Variants in SLC9A1 observed in about 807,000 individuals in gnomAD.
The protein encoded by SLC9A1 is sodium/hydrogen exchanger 1.
SLC9A1 carries 22 observed loss-of-function variants against 67.9 expected under a neutral mutation model. That is an observed-to-expected ratio of 0.32 (90% confidence interval 0.23 to 0.46). The LOEUF is 0.46. Ranked by LOEUF, SLC9A1 falls within the 20% of genes least tolerant of loss-of-function variation. The pLI, the probability that SLC9A1 is intolerant of heterozygous loss-of-function variation, is 1.00. For missense variants in SLC9A1, 686 were observed against 1,094.8 expected (o/e 0.63, Z 5.27); for synonymous variants, 421 against 471.8 (o/e 0.89, Z 1.40).
chr1:27,125,948 C>T (rs2083340970), intron 1 of SLC9A1, among the ~76,000 whole-genome samples: 1 of 152,094 alleles, frequency 6.6e-6, no homozygotes, highest in Admixed American at 6.5e-5. Context: ...ACTACATCCC[C>T]CTCCGCGTCT....
At chr1:27,142,451 T>TGAGAACA (rs1296710865) in intron 1 of SLC9A1, among the ~76,000 whole-genome samples, 2 of 152,078 alleles carry the variant, frequency 1.3e-5, no homozygotes, top group Non-Finnish European at 2.9e-5. Flanking sequence ...AGAAGCAGAG[T>TGAGAACA]GAGAACAGAG....
At chr1:27,151,779 G>A (rs938443903) in intron 1 of SLC9A1, among the ~76,000 whole-genome samples, 1 of 152,180 alleles carries the variant, frequency 6.6e-6, no homozygotes, top group Non-Finnish European at 1.5e-5. Flanking sequence ...TTTCATTTTT[G>A]AGGCCTGAAC....
intron 1 of SLC9A1, among the ~76,000 whole-genome samples, chr1:27,130,818 G>A (rs897348270): frequency 1.3e-5 from 2 of 152,154 alleles, no homozygotes; most frequent in African/African-American, 2.4e-5. Context: ...CCCTCAAGCC[G>A]GGCCTGGTTA....
rs2083145423 is a variant in SLC9A1 at position 27,101,638 on chromosome 1, C to T, written c.2037+87G>A. On this transcript the variant is annotated intron_variant, in intron 10 of 11. Coordinates refer to ENST00000263980, the MANE Select transcript of SLC9A1 (RefSeq NM_003047.5). The surrounding 1 kb of genome is among the most constrained non-coding windows in gnomAD (Gnocchi z 4.9). ...GCCCCTCGAAAGCCAAACCCTGTTC[C>T]TAGAATGGGTACATTTCCTTAGAGG... 3 of 972,324 alleles carry T rather than the reference C, an allele frequency of 3.1e-6. No individual in the cohort carries two copies. The highest frequency in any genetic ancestry group is 4.8e-6 in the Non-Finnish European group (3 of 624,352). The allele number at this position is 972,324 out of a possible 1,614,324, so 60.2% of individuals were successfully genotyped here.
At position 27,109,580 on chromosome 1, in the gene SLC9A1, G is replaced by A. The variant is rs1485533096; in HGVS notation, c.1011C>T (p.Tyr337=). The part of the protein sequence containing the change: ...RVIEPLFVFL[Y]SYMAYLSAEL... ...CGGCTGACAAGTAGGCCATGTAGCT[G>A]TAGAGGAAGACGAAGAGCGGCTCGA... Residue 337 remains tyrosine, a synonymous_variant, in exon 3 of 12, where the codon TAC becomes TAT. Coordinates refer to ENST00000263980, the MANE Select transcript of SLC9A1 (RefSeq NM_003047.5). The surrounding 1 kb of genome is among the most constrained non-coding windows in gnomAD (Gnocchi z 5.5). The A allele has an allele frequency of 1.9e-6, 3 of 1,613,924 alleles. No homozygotes were observed. The Admixed American group carries it at 5.0e-5, about 27-fold the overall frequency.
intron 1 of SLC9A1, among the ~76,000 whole-genome samples, chr1:27,141,718 C>T (rs943988056): frequency 1.3e-5 from 2 of 152,204 alleles, no homozygotes; most frequent in African/African-American, 4.8e-5. Context: ...GTCAGGGAAG[C>T]GGGTGGGGTA....
At chr1:27,119,785 TTC>T (rs1387367237) in intron 1 of SLC9A1, among the ~76,000 whole-genome samples, 3 of 152,220 alleles carry the variant, frequency 2.0e-5, no homozygotes, top group Admixed American at 1.3e-4. Context: ...CCTGGCTTTA[TTC>T]TTACTTTGTT....
intron 5 of SLC9A1, among the ~76,000 whole-genome samples, chr1:27,105,297 C>G (rs924059609): frequency 6.6e-6 from 1 of 152,108 alleles, no homozygotes; most frequent in Non-Finnish European, 1.5e-5. Flanking sequence ...ACCCACTTCT[C>G]TCTCTTTTTC....
At position 27,100,191 on chromosome 1, in the gene SLC9A1, C is replaced by A; in HGVS notation, c.*116G>T. ...GGGGGCTGTGGGCCCAGCTGCCATG[C>A]GGTAGGGGGAGGGGCAGGGCCAATC... On this transcript the variant is annotated 3_prime_UTR_variant, in exon 12 of 12. Transcript: ENST00000263980. This position sits in a 1 kb window ranked among gnomAD's most constrained non-coding sequence, Gnocchi z 5.6. 2.9e-6 allele frequency: 2 copies of A among 701,292 alleles called. No homozygotes were observed. Among genetic ancestry groups the A allele is most frequent in the Admixed American group, 3.4e-5 (1 of 29,326 alleles). The allele number at this position is 701,292 out of a possible 1,614,324, so 43.4% of individuals were successfully genotyped here. A position where few individuals can be genotyped will look rare whatever the true frequency, so the allele number is the denominator to read the frequency against.
chr1:27,151,496 G>A (rs2083528015), intron 1 of SLC9A1, among the ~76,000 whole-genome samples: 1 of 152,112 alleles, frequency 6.6e-6, no homozygotes, highest in African/African-American at 2.4e-5. Flanking sequence ...GAGTAGCTGG[G>A]ATTACAGGCA....
At position 27,106,351 on chromosome 1, in the gene SLC9A1, A is replaced by G. The variant is rs1570847643; in HGVS notation, c.1283-264T>C. Among the ~76,000 whole-genome samples the G allele has an allele frequency of 6.6e-6, 1 of 152,126 alleles. No individual in the cohort carries two copies. The highest frequency in any genetic ancestry group is 1.5e-5 in the Non-Finnish European group (1 of 68,002). Reference sequence around the variant, plus strand: ...CAGTGGCTGGAGGGCTGGGGGCAGGAAGAGGGAGAAAAGATCAAACAAGAT... The same window carrying G: ...CAGTGGCTGGAGGGCTGGGGGCAGGGAGAGGGAGAAAAGATCAAACAAGAT... On this transcript the variant is annotated intron_variant, in intron 4 of 11. Coordinates refer to ENST00000263980, the MANE Select transcript of SLC9A1 (RefSeq NM_003047.5). This position sits in a 1 kb window ranked among gnomAD's most constrained non-coding sequence, Gnocchi z 4.3.
chr1:27,154,421 A>G lies in SLC9A1; in HGVS notation c.-87T>C. ...TAGCAAAGGGTCAGCAAGTGGGAAG[A>G]GAGACTGGCGTAGTCTCTAGGAAAA... On this transcript the variant is annotated 5_prime_UTR_variant, in exon 1 of 12. Transcript: ENST00000263980. The G allele has an allele frequency of 2.5e-6, 2 of 790,778 alleles. No individual in the cohort carries two copies. The highest frequency in any genetic ancestry group is 2.0e-6 in the Non-Finnish European group (1 of 504,936). 49.0% of individuals were successfully genotyped at this position (790,778 alleles called of 1,614,324 possible). A position where few individuals can be genotyped will look rare whatever the true frequency, so the allele number is the denominator to read the frequency against.
chr1:27,126,041 C>A (rs2083341860), intron 1 of SLC9A1, among the ~76,000 whole-genome samples: 1 of 152,184 alleles, frequency 6.6e-6, no homozygotes, highest in African/African-American at 2.4e-5. Flanking sequence ...CATGCCCCCA[C>A]CTCAGGGCCT....
At chr1:27,120,322 C>T (rs939881140) in intron 1 of SLC9A1, among the ~76,000 whole-genome samples, 8 of 150,780 alleles carry the variant, frequency 5.3e-5, no homozygotes, top group Non-Finnish European at 3.0e-5. Flanking sequence ...GGAGGGGTTT[C>T]GCCATGTTGG....
Position 27,118,631 on chromosome 1 carries a change from T to G in SLC9A1, c.353-4345A>C, listed in dbSNP as rs994662053. On this transcript the variant is annotated intron_variant, in intron 1 of 11. Coordinates refer to ENST00000263980, the MANE Select transcript of SLC9A1 (RefSeq NM_003047.5). This position sits in a 1 kb window ranked among gnomAD's most constrained non-coding sequence, Gnocchi z 4.3. The stretch of plus-strand genomic sequence containing the variant: ...GGATGCCAAGAGATGAGGCAAAACT[T>G]TCAGGGCCCAAACATGCAGCAGCAG... 1.3e-5 allele frequency among the ~76,000 whole-genome samples: 2 copies of G among 152,056 alleles called. No homozygotes were observed. The highest frequency in any genetic ancestry group is 1.3e-4 in the Admixed American group (2 of 15,266).
At chr1:27,121,976 T>G (rs2083307161) in intron 1 of SLC9A1, among the ~76,000 whole-genome samples, 1 of 151,938 alleles carries the variant, frequency 6.6e-6, no homozygotes, top group South Asian at 2.1e-4. Flanking sequence ...TACAAAAAAT[T>G]AGCTGAGTGT....
chr1:27,131,701 C>T (rs1216410004), intron 1 of SLC9A1, among the ~76,000 whole-genome samples: 6 of 146,932 alleles, frequency 4.1e-5, no homozygotes, highest in East Asian at 2.0e-4. Flanking sequence ...GATCTGAGAT[C>T]GCACCACTGC....
chr1:27,142,535 C>T (rs1032406689), intron 1 of SLC9A1, among the ~76,000 whole-genome samples: 3 of 152,222 alleles, frequency 2.0e-5, no homozygotes, highest in African/African-American at 7.2e-5. Context: ...AGCCTGTCCA[C>T]CTTCAGAGGC....
intron 1 of SLC9A1, among the ~76,000 whole-genome samples, chr1:27,138,860 C>T (rs938620394): frequency 7.9e-5 from 12 of 152,256 alleles, no homozygotes; most frequent in African/African-American, 2.9e-4. Flanking sequence ...AGGGGAAACA[C>T]CATGCTCTGG....
Sources: gnomAD v4.1 joint callset for allele counts (sites outside exome capture counted in the v4.1 genomes callset) on GRCh38, gnomAD v4.1.1 for gene constraint, Gnocchi (gnomAD v3.1) non-coding constraint, MANE v1.5 for transcripts, NCBI Gene and HGNC (gene_info 2026-07-23, HGNC 2026-07-21) for gene names.